The following CRYBG3 variants were observed in gnomAD, a reference collection of about 807,000 sequenced individuals.
CRYBG3 encodes very large A-kinase anchor protein.
In CRYBG3, 127 loss-of-function variants were observed where a neutral mutation model predicts 244.2. The ratio of observed to expected loss-of-function variants is 0.52; its 90% CI spans 0.45 to 0.60. The LOEUF (loss-of-function observed/expected upper bound fraction) is 0.60, where lower values mean the gene tolerates loss of function less well. Ranked by LOEUF, CRYBG3 falls within the 20% of genes least tolerant of loss-of-function variation. The pLI, the probability that CRYBG3 is intolerant of heterozygous loss-of-function variation, is 0.00. For missense variants in CRYBG3, 3,325 were observed against 3,442.5 expected (o/e 0.97, Z 0.85); for synonymous variants, 1,132 against 1,195.8 (o/e 0.95, Z 1.10).
intron 18 of CRYBG3, among the ~76,000 whole-genome samples, chr3:97,934,106 G>A (rs2040132440): frequency 1.3e-5 from 2 of 152,008 alleles, no homozygotes; most frequent in South Asian, 4.2e-4. Flanking sequence ...GTGACTGCTG[G>A]CAAGACCAAG....
At chr3:97,895,210 T>G (rs2039626024) in intron 11 of CRYBG3, among the ~76,000 whole-genome samples, 1 of 152,184 alleles carries the variant, frequency 6.6e-6, no homozygotes, top group Admixed American at 6.6e-5. Flanking sequence ...GCCAACTTGT[T>G]TTATGAGCCA....
chr3:97,827,855 A>G (rs537671166), intron 1 of CRYBG3, among the ~76,000 whole-genome samples: 71 of 152,306 alleles, frequency 4.7e-4, no homozygotes, highest in African/African-American at 1.7e-3. Flanking sequence ...CTACAGCATT[A>G]TGTGACAGCT....
chr3:97,916,859 ACTT>A (rs1020988605), intron 17 of CRYBG3, among the ~76,000 whole-genome samples: 1 of 152,052 alleles, frequency 6.6e-6, no homozygotes, highest in African/African-American at 2.4e-5. Flanking sequence ...GGCTACTAAT[ACTT>A]CTTGTCTGTT....
At chr3:97,879,803 G>T in intron 5 of CRYBG3, 55 bp downstream of exon 5, 1 of 1,308,186 alleles carries the variant, frequency 7.6e-7, no homozygotes, top group Non-Finnish European at 1.1e-6. Context: ...TAACTTTCAG[G>T]CTTGAGGAAT....
intron 2 of CRYBG3, among the ~76,000 whole-genome samples, chr3:97,847,686 GATT>G (rs2038923637): frequency 1.3e-5 from 2 of 152,150 alleles, no homozygotes; most frequent in African/African-American, 4.8e-5. Flanking sequence ...ATACATCAAT[GATT>G]ATTATGCATA....
chr3:97,882,165 T>C (rs2039456206), intron 7 of CRYBG3, among the ~76,000 whole-genome samples: 3 of 151,700 alleles, frequency 2.0e-5, no homozygotes. Context: ...GCTGAGATCA[T>C]GCCACTGCAC....
At chr3:97,909,270 A>G (rs1179262491) in intron 15 of CRYBG3, among the ~76,000 whole-genome samples, 2 of 145,850 alleles carry the variant, frequency 1.4e-5, no homozygotes, top group Non-Finnish European at 3.0e-5. Context: ...CGTTCTCTGT[A>G]TTTCCTGAAT....
At chr3:97,913,317 A>G (rs2039893486) in intron 16 of CRYBG3, among the ~76,000 whole-genome samples, 1 of 152,002 alleles carries the variant, frequency 6.6e-6, no homozygotes, top group Non-Finnish European at 1.5e-5. Flanking sequence ...CTCTTCTAAC[A>G]TTTGCTTTCC....
At chr3:97,828,115 A>C (rs1204490801) in intron 1 of CRYBG3, among the ~76,000 whole-genome samples, 1 of 152,214 alleles carries the variant, frequency 6.6e-6, no homozygotes, top group Non-Finnish European at 1.5e-5. Flanking sequence ...TTTCAGATGG[A>C]AACCATAGCA....
At chr3:97,934,794 A>G (rs2040141480) in intron 18 of CRYBG3, among the ~76,000 whole-genome samples, 3 of 152,146 alleles carry the variant, frequency 2.0e-5, no homozygotes, top group Admixed American at 2.0e-4. Flanking sequence ...AGATTCCAAT[A>G]TATTATTTAC....
intron 7 of CRYBG3, among the ~76,000 whole-genome samples, chr3:97,882,610 A>G (rs184249772): frequency 6.6e-6 from 1 of 152,306 alleles, no homozygotes; most frequent in East Asian, 1.9e-4. Flanking sequence ...TTTCCTTCAT[A>G]ATATGTGATA....
chr3:97,929,886 T>A (rs985608248), intron 17 of CRYBG3, among the ~76,000 whole-genome samples: 2 of 152,058 alleles, frequency 1.3e-5, no homozygotes, highest in Non-Finnish European at 2.9e-5. Context: ...TTTTGTTCCC[T>A]CCATCAAGCT....
At chr3:97,862,842 A>G (rs34882973) in intron 2 of CRYBG3, among the ~76,000 whole-genome samples, 33,248 of 152,144 alleles carry the variant, frequency 0.22, 4,142 homozygotes, top group Middle Eastern at 0.3. Flanking sequence ...CACATCAAAC[A>G]ATGCCATGTG....
chr3:97,887,007 A>G (rs1179687273), intron 8 of CRYBG3, among the ~76,000 whole-genome samples: 2 of 152,192 alleles, frequency 1.3e-5, no homozygotes, highest in African/African-American at 4.8e-5. Flanking sequence ...TTTTCATCCA[A>G]CAAATTCTGT....
intron 1 of CRYBG3, among the ~76,000 whole-genome samples, chr3:97,824,823 A>G (rs2038557586): frequency 6.6e-6 from 1 of 152,214 alleles, no homozygotes; most frequent in Non-Finnish European, 1.5e-5. Context: ...AAGTTTTCAT[A>G]GGAAACTCAA....
rs2108220132 is a variant in CRYBG3, at chr3:97,877,469, A to G, written c.6275A>G (p.Asp2092Gly). ...GCATTGTCTCCCATTTATGAGGATG[A>G]CAGCTCACAGGAGGACATTCTATCT... ...PLALSPIYED[D>G]SSQEDILSSE... The change falls in exon 4 of 22, where the codon GAC (aspartate) becomes GGC (glycine). Residue 2092 changes from aspartate to glycine, a missense_variant. Physicochemically the swap from Asp to Gly is moderately conservative, Grantham distance 94. Coordinates refer to ENST00000389622, the MANE Select transcript of CRYBG3 (RefSeq NM_153605.4). 1 of 1,614,182 alleles carries G rather than the reference A, an allele frequency of 6.2e-7. No homozygotes were observed. The highest frequency in any genetic ancestry group is 8.5e-7 in the Non-Finnish European group (1 of 1,180,018).
Position 97,899,177 on chromosome 3 carries a change from T to C in CRYBG3, c.7885T>C (p.Tyr2629His), listed in dbSNP as rs1408426956. ...YQQKFFCGEQ[Y>H]ILEKGKYKCF... is the part of the protein sequence containing the mutation. ...GCAAAAGTTCTTCTGTGGAGAACAA[T>C]ACATTTTAGAAAAAGGGAAATACAA... Residue 2629 changes from tyrosine (Y) to histidine (H), a missense_variant, in exon 14 of 22, where the codon TAC becomes CAC. Physicochemically the swap from Tyr to His is moderately conservative, Grantham distance 83 (BLOSUM62 2). Around this residue, in one of 4 missense-constraint regions of CRYBG3, gnomAD observed 714 missense variants for 803.6 expected, o/e 0.89. Transcript: ENST00000389622. 6.2e-7 allele frequency: 1 copy of C among 1,613,666 alleles called. No individual in the cohort carries two copies. Among genetic ancestry groups the C allele is most frequent in the Non-Finnish European group, 8.5e-7 (1 of 1,179,850 alleles).
chr3:97,864,851 C>T (rs1388105626), intron 3 of CRYBG3, among the ~76,000 whole-genome samples: 1 of 152,022 alleles, frequency 6.6e-6, no homozygotes, highest in Non-Finnish European at 1.5e-5. Flanking sequence ...CTAGGGCCTG[C>T]AAAATTTGTC....
chr3:97,937,023 G>A, intron 19 of CRYBG3, 115 bp downstream of exon 19: 3 of 1,146,342 alleles, frequency 2.6e-6, no homozygotes, highest in East Asian at 5.1e-5. Context: ...TACATAGTAG[G>A]GGGAGTGAAT....
Sources: allele counts gnomAD v4.1 joint callset (sites outside exome capture counted in the v4.1 genomes callset), GRCh38; gene constraint gnomAD v4.1.1; regional missense constraint gnomAD v4.1.1; transcripts MANE v1.5; gene names NCBI Gene and HGNC (gene_info 2026-07-23, HGNC 2026-07-21).